Variants in LPP observed in about 807,000 individuals in gnomAD.
LPP encodes LIM domain containing preferred translocation partner in lipoma.
In LPP, 38 loss-of-function variants were observed where a neutral mutation model predicts 60.4. The ratio of observed to expected loss-of-function variants is 0.63; its 90% CI spans 0.49 to 0.83. The LOEUF is 0.83. Among genes scored for constraint, LPP ranks in the 40% least tolerant of loss-of-function variants. The pLI is 0.00. For missense variants in LPP, 902 were observed against 783.6 expected (o/e 1.15, Z -1.80); for synonymous variants, 328 against 290.8 (o/e 1.13, Z -1.30).
At chr3:188,466,985 T>A (rs1342782150) in intron 4 of LPP, among the ~76,000 whole-genome samples, 1 of 144,590 alleles carries the variant, frequency 6.9e-6, no homozygotes, top group Non-Finnish European at 1.5e-5. Context: ...ACATTTTTCA[T>A]TCTGTTTATA....
intron 2 of LPP, among the ~76,000 whole-genome samples, chr3:188,337,272 C>G (rs1006481199): frequency 6.6e-6 from 1 of 152,184 alleles, no homozygotes; most frequent in Non-Finnish European, 1.5e-5. Context: ...GACGGCATAG[C>G]GCAGTAGCTG....
intron 4 of LPP, among the ~76,000 whole-genome samples, chr3:188,437,300 A>G (rs1249614912): frequency 1.2e-4 from 18 of 152,200 alleles, no homozygotes. Context: ...TATGCTAAGT[A>G]ATGCCTTGTG....
At chr3:188,813,787 T>A (rs1214320707) in intron 9 of LPP, among the ~76,000 whole-genome samples, 1 of 152,104 alleles carries the variant, frequency 6.6e-6, no homozygotes, top group East Asian at 1.9e-4. Flanking sequence ...AAACATCTAT[T>A]GGCTGGGCAG....
In LPP at chr3:188,182,108, C is replaced by T. The variant is rs999151168; in HGVS notation, c.-190+27856C>T. 6.6e-6 allele frequency among the ~76,000 whole-genome samples: 1 copy of T among 152,192 alleles called. No individual in the cohort carries two copies. The highest frequency in any genetic ancestry group is 2.4e-5 in the African/African-American group (1 of 41,440). ...AAGTCTAACTCCTCGTGAGTCTTTCCAGCCTCAGCACATTTCCTGAGTGGT... is the reference window on the plus strand; with the variant it reads ...AAGTCTAACTCCTCGTGAGTCTTTCTAGCCTCAGCACATTTCCTGAGTGGT... On this transcript the variant is annotated intron_variant, in intron 1 of 11. Transcript: ENST00000617246. This position sits in a 1 kb window ranked among gnomAD's most constrained non-coding sequence, Gnocchi z 4.4.
intron 8 of LPP, chr3:188,711,677 G>A (rs1461104521): frequency 6.6e-6 from 1 of 152,212 alleles, no homozygotes; most frequent in African/African-American, 2.4e-5. Flanking sequence ...GCTCTGCTAG[G>A]TGGTGGTGGG....
At position 188,337,832 on chromosome 3, in the gene LPP, G is replaced by A. The variant is rs559831744; in HGVS notation, c.-66-3831G>A. ...TTTTGTTAAAGTTTAGTTGTTGATT[G>A]TTGTTGTGGCTGTCTTTGTGAAAGA... is the stretch of plus-strand genomic sequence containing the variant. On this transcript the variant is annotated intron_variant, in intron 2 of 11. Transcript: ENST00000617246. 9.8e-4 allele frequency among the ~76,000 whole-genome samples: 149 copies of A among 152,294 alleles called. 1 individual carries two copies. The highest frequency in any genetic ancestry group is 3.4e-3 in the Middle Eastern group (1 of 294).
At chr3:188,567,605 T>C (rs571698221) in intron 6 of LPP, among the ~76,000 whole-genome samples, 9 of 152,054 alleles carry the variant, frequency 5.9e-5, no homozygotes, top group Non-Finnish European at 4.4e-5. Flanking sequence ...GTTATCATCA[T>C]TGCCTGAATA....
At chr3:188,734,393 T>G (rs915020730) in intron 8 of LPP, among the ~76,000 whole-genome samples, 1 of 152,268 alleles carries the variant, frequency 6.6e-6, no homozygotes, top group Admixed American at 6.5e-5. Context: ...TTATGAAACT[T>G]GTTTAGTTCA....
At chr3:188,703,739 T>TA (rs1864938661) in intron 7 of LPP, among the ~76,000 whole-genome samples, 1 of 152,042 alleles carries the variant, frequency 6.6e-6, no homozygotes, top group Non-Finnish European at 1.5e-5. Flanking sequence ...AGCAAGCAAA[T>TA]AGAGTATTCA....
intron 6 of LPP, among the ~76,000 whole-genome samples, chr3:188,607,417 A>ATATATAT (rs71169012): frequency 2.4e-4 from 9 of 37,676 alleles, no homozygotes; most frequent in Non-Finnish European, 4.2e-4. Flanking sequence ...ATATATATAT[A>ATATATAT]ATTTTTTTTT....
At chr3:188,554,602 C>T (rs1168639920) in intron 6 of LPP, among the ~76,000 whole-genome samples, 1 of 152,174 alleles carries the variant, frequency 6.6e-6, no homozygotes, top group Non-Finnish European at 1.5e-5. Flanking sequence ...TCTAGTCCAG[C>T]ACAGCTGCCT....
chr3:188,787,869 CA>C (rs1300930968), intron 9 of LPP, among the ~76,000 whole-genome samples: 9 of 152,208 alleles, frequency 5.9e-5, no homozygotes, highest in African/African-American at 2.2e-4. Context: ...CCAAAATCTG[CA>C]GCTGGATCTC....
intron 7 of LPP, among the ~76,000 whole-genome samples, chr3:188,618,029 A>G (rs1845176829): frequency 6.6e-6 from 1 of 152,220 alleles, no homozygotes; most frequent in Non-Finnish European, 1.5e-5. Flanking sequence ...ATTGATAAAT[A>G]ATTTCTGGTG....
chr3:188,638,141 C>T (rs1396396868), intron 7 of LPP, among the ~76,000 whole-genome samples: 1 of 135,894 alleles, frequency 7.4e-6, no homozygotes, highest in Non-Finnish European at 1.6e-5. Flanking sequence ...ACGAATCCAG[C>T]AGCACATCAA....
Position 188,495,082 on chromosome 3 carries a change from A to ATATATATATTT in LPP, c.306+10379_306+10380insATATATATTTT, listed in dbSNP as rs1342207321. On this transcript the variant is annotated intron_variant, in intron 5 of 11. Transcript: ENST00000617246. ...CAGGATTTTATATATATATATATAT[A>ATATATATATTT]TTTTATTTATATTTTATTATATATT... Among the ~76,000 whole-genome samples, 3 of 97,270 alleles carry ATATATATATTT rather than the reference A, an allele frequency of 3.1e-5. 1 individual carries two copies. The highest frequency in any genetic ancestry group is 1.2e-4 in the African/African-American group (3 of 25,064). The allele number at this position is 97,270 out of a possible 152,430, so 63.8% of individuals were successfully genotyped here. A position where few individuals can be genotyped will look rare whatever the true frequency, so the allele number is the denominator to read the frequency against.
chr3:188,837,510 G>A (rs1469735117), intron 9 of LPP, among the ~76,000 whole-genome samples: 1 of 151,870 alleles, frequency 6.6e-6, no homozygotes, highest in African/African-American at 2.4e-5. Flanking sequence ...AATTTGATTT[G>A]CGTTTGGTCA....
At chr3:188,406,419 C>T in intron 4 of LPP, 106 bp downstream of exon 4, 2 of 1,037,772 alleles carry the variant, frequency 1.9e-6, no homozygotes, top group Non-Finnish European at 2.8e-6. Context: ...TGTGAATTCA[C>T]AGCGTGGGTG....
At chr3:188,239,681 A>C (rs796333828) in intron 2 of LPP, among the ~76,000 whole-genome samples, 1 of 152,316 alleles carries the variant, frequency 6.6e-6, no homozygotes, top group African/African-American at 2.4e-5. Flanking sequence ...GAGTCTCCAA[A>C]AGCCATTGGC....
chr3:188,170,260 T>A (rs1721166680), intron 1 of LPP, among the ~76,000 whole-genome samples: 1 of 152,222 alleles, frequency 6.6e-6, no homozygotes, highest in Admixed American at 6.5e-5. Flanking sequence ...CATGCTTTGT[T>A]TGGGGCAGAG....
Sources: gnomAD v4.1 joint callset for allele counts (sites outside exome capture counted in the v4.1 genomes callset) on GRCh38, gnomAD v4.1.1 for gene constraint, Gnocchi (gnomAD v3.1) non-coding constraint, MANE v1.5 for transcripts, NCBI Gene and HGNC (gene_info 2026-07-23, HGNC 2026-07-21) for gene names.